The following SLC2A9 variants were observed in gnomAD, a reference collection of about 807,000 sequenced individuals.
SLC2A9 encodes solute carrier family 2, facilitated glucose transporter member 9.
A neutral mutation model predicts 50.6 loss-of-function variants in SLC2A9; 39 were observed. The ratio of observed to expected loss-of-function variants is 0.77; its 90% CI spans 0.60 to 1.01. SLC2A9 has a LOEUF of 1.01. Ranked by LOEUF, SLC2A9 falls within the 50% of genes least tolerant of loss-of-function variation. The probability of loss-of-function intolerance (pLI) is 0.00; values close to 1 mark genes in which losing one functional copy is unlikely to be tolerated. For missense variants in SLC2A9, 686 were observed against 677.6 expected (o/e 1.01, Z -0.14); for synonymous variants, 324 against 276.9 (o/e 1.17, Z -1.69).
chr4:9,855,856 T>C (rs1485960006), intron 10 of SLC2A9, among the ~76,000 whole-genome samples: 1 of 152,074 alleles, frequency 6.6e-6, no homozygotes, highest in Non-Finnish European at 1.5e-5. Context: ...AAACAAGCAA[T>C]GGGGAAAGGA....
chr4:9,791,566 C>G (rs1165554182), intron 3 of SLC2A9, among the ~76,000 whole-genome samples: 1 of 152,142 alleles, frequency 6.6e-6, no homozygotes, highest in Non-Finnish European at 1.5e-5. Flanking sequence ...GGATGTGAAT[C>G]ACTGGGGGCT....
At chr4:9,797,201 G>C (rs1194210006), downstream of SLC2A9, among the ~76,000 whole-genome samples, 2 of 152,130 alleles carry the variant, frequency 1.3e-5, no homozygotes, top group South Asian at 4.1e-4. Context: ...CAAGGACAAA[G>C]GTGGCCCCAG....
chr4:9,958,425 T>A (rs1751677982), intron 5 of SLC2A9, among the ~76,000 whole-genome samples: 1 of 152,022 alleles, frequency 6.6e-6, no homozygotes, highest in South Asian at 2.1e-4. Context: ...CCTCAACTCA[T>A]AAGTGGGAGT....
chr4:9,853,318 G>A (rs369615829), intron 10 of SLC2A9, among the ~76,000 whole-genome samples: 4 of 130,114 alleles, frequency 3.1e-5, no homozygotes, highest in African/African-American at 7.1e-5. Flanking sequence ...TTTACCAAGC[G>A]AATGGAAAAC....
At chr4:9,786,718 A>G in intron 3 of SLC2A9, among the ~76,000 whole-genome samples, 1 of 152,200 alleles carries the variant, frequency 6.6e-6, no homozygotes, top group South Asian at 2.1e-4. Flanking sequence ...TGTTTGTCCA[A>G]GGTCATGGGA....
chr4:9,887,568 T>C lies in SLC2A9; in HGVS notation c.1290A>G (p.Pro430=), dbSNP rs1736512114. 3.8e-6 allele frequency: 6 copies of C among 1,562,006 alleles called. No individual in the cohort carries two copies. The Admixed American group carries it at 5.6e-5, about 15-fold the overall frequency. The change falls in exon 10 of 12, where the codon CCA becomes CCG. Residue 430 remains proline, a splice_region_variant and synonymous_variant. Transcript: ENST00000264784. ...AGTGGGGAGGGTGGGGTGCCTTACC[T>C]GGCCCACTGCAGAAAGAGGCGATGA... ...LAIIASFCSG[P]GGIPFILTGE...
chr4:9,990,217 G>A (rs1357223306), intron 3 of SLC2A9, among the ~76,000 whole-genome samples: 2 of 152,106 alleles, frequency 1.3e-5, no homozygotes, highest in Non-Finnish European at 2.9e-5. Context: ...ATGAGGGAAC[G>A]GAAAGTGTGC....
chr4:9,787,741 T>C (rs1220169992), intron 3 of SLC2A9, among the ~76,000 whole-genome samples: 1 of 152,218 alleles, frequency 6.6e-6, no homozygotes, highest in East Asian at 1.9e-4. Context: ...CTTGGTAGAC[T>C]TGTCCTTCAA....
intron 10 of SLC2A9, chr4:9,879,968 C>T: frequency 1.0e-6 from 1 of 985,458 alleles, no homozygotes; most frequent in Non-Finnish European, 1.2e-6. Context: ...CTTACATCGA[C>T]CTGTTCCTCA....
chr4:9,904,859 T>C (rs1740334125), intron 8 of SLC2A9, among the ~76,000 whole-genome samples: 1 of 152,244 alleles, frequency 6.6e-6, no homozygotes, highest in African/African-American at 2.4e-5. Context: ...GCTACCATTT[T>C]AAGGACTGTT....
intron 3 of SLC2A9, among the ~76,000 whole-genome samples, chr4:9,807,832 G>A (rs771414347): frequency 5.3e-5 from 8 of 152,186 alleles, no homozygotes; most frequent in Non-Finnish European, 7.3e-5. Flanking sequence ...GGTCAAATGC[G>A]TGTTTCTTGT....
intron 5 of SLC2A9, among the ~76,000 whole-genome samples, chr4:9,948,480 A>C (rs1749608073): frequency 6.6e-6 from 1 of 152,180 alleles, no homozygotes; most frequent in African/African-American, 2.4e-5. Flanking sequence ...CCCAGAACTG[A>C]CAAGCTTGAC....
chr4:9,942,503 C>T (rs974990312), intron 5 of SLC2A9, among the ~76,000 whole-genome samples: 1 of 152,226 alleles, frequency 6.6e-6, no homozygotes, highest in Non-Finnish European at 1.5e-5. Context: ...TCAACCATCT[C>T]TGTCTTCTCA....
At chr4:9,777,681 G>A (rs1168232969), downstream of SLC2A9, among the ~76,000 whole-genome samples, 1 of 152,210 alleles carries the variant, frequency 6.6e-6, no homozygotes, top group Non-Finnish European at 1.5e-5. Context: ...CACTCACTGT[G>A]TTCGCTTGGG....
chr4:9,839,769 T>C (rs1727725707), intron 10 of SLC2A9, among the ~76,000 whole-genome samples: 1 of 152,012 alleles, frequency 6.6e-6, no homozygotes, highest in Admixed American at 6.6e-5. Flanking sequence ...AAATGGGAGC[T>C]AAATGATGAG....
At chr4:9,936,094 T>C (rs1290208805) in intron 6 of SLC2A9, among the ~76,000 whole-genome samples, 4 of 152,138 alleles carry the variant, frequency 2.6e-5, no homozygotes, top group African/African-American at 9.7e-5. Context: ...CAAAATACCA[T>C]TGCTATGGGT....
intron 2 of SLC2A9, among the ~76,000 whole-genome samples, chr4:10,016,594 C>T (rs945306060): frequency 2.0e-5 from 3 of 151,958 alleles, no homozygotes; most frequent in Non-Finnish European, 2.9e-5. Flanking sequence ...AGGGAGGGCA[C>T]GTTAAACTCT....
chr4:9,827,655 A>G (rs1313164042), intron 11 of SLC2A9, among the ~76,000 whole-genome samples: 1 of 152,162 alleles, frequency 6.6e-6, no homozygotes, highest in East Asian at 1.9e-4. Context: ...GAAAAAGAGG[A>G]TAATCATGGT....
intron 5 of SLC2A9, among the ~76,000 whole-genome samples, chr4:9,973,214 G>A (rs1484575519): frequency 6.6e-6 from 1 of 152,030 alleles, no homozygotes; most frequent in Non-Finnish European, 1.5e-5. Flanking sequence ...ATAAGTTCCT[G>A]GAAACTCACA....
Sources: allele counts gnomAD v4.1 joint callset (sites outside exome capture counted in the v4.1 genomes callset), GRCh38; gene constraint gnomAD v4.1.1; transcripts MANE v1.5; gene names NCBI Gene and HGNC (gene_info 2026-07-23, HGNC 2026-07-21).